The following ADAMTSL1 variants were observed in gnomAD, a reference collection of about 807,000 sequenced individuals.
ADAMTSL1 encodes ADAMTS-like protein 1.
ADAMTSL1 carries 126 observed loss-of-function variants against 201.8 expected under a neutral mutation model. That is an observed-to-expected ratio of 0.62 (90% CI 0.54 to 0.72). The LOEUF (loss-of-function observed/expected upper bound fraction) is 0.72. Among genes scored for constraint, ADAMTSL1 ranks in the 30% least tolerant of loss-of-function variants. The probability of loss-of-function intolerance (pLI) is 0.00; values close to 1 mark genes in which losing one functional copy is unlikely to be tolerated. For missense variants in ADAMTSL1, 2,679 were observed against 2,277.8 expected (o/e 1.18, Z -3.59); for synonymous variants, 1,121 against 903.4 (o/e 1.24, Z -4.32).
Position 18,706,800 on chromosome 9 carries a change from A to C in ADAMTSL1, c.1628A>C (p.Gln543Pro). The C allele has an allele frequency of 6.2e-7, 1 of 1,609,212 alleles. No homozygotes were observed. ...ACAGTCACCTGTGGTGTGGGGACCC[A>C]GGTGCGAATAGTCAGGTGCCAGGTG... ...ACTVTCGVGT[Q>P]VRIVRCQVLL... is the part of the protein sequence containing the mutation. The change falls in exon 14 of 29, where the codon CAG becomes CCG. Residue 543 changes from glutamine to proline, a missense_variant. Transcript: ENST00000380548.
At chr9:17,973,710 T>C (rs1818317992) in intron 1 of ADAMTSL1, among the ~76,000 whole-genome samples, 1 of 134,294 alleles carries the variant, frequency 7.4e-6, no homozygotes, top group Admixed American at 8.1e-5. Flanking sequence ...AGAAAGTCAC[T>C]GGTAGCTTGA....
chr9:18,204,838 A>G (rs567594033), intron 2 of ADAMTSL1, among the ~76,000 whole-genome samples: 1 of 152,106 alleles, frequency 6.6e-6, no homozygotes, highest in Non-Finnish European at 1.5e-5. Context: ...AGGTGCATCT[A>G]CTCAGACCTG....
chr9:18,865,372 A>T (rs2131435333), intron 23 of ADAMTSL1, among the ~76,000 whole-genome samples: 1 of 152,324 alleles, frequency 6.6e-6, no homozygotes, highest in Admixed American at 6.5e-5. Context: ...ACATGAACTC[A>T]TCATTTTTTA....
Position 18,529,303 on chromosome 9 carries a change from TAAC to T in ADAMTSL1, c.192-3938_192-3936del, listed in dbSNP as rs892434961. Among the ~76,000 whole-genome samples the T allele has an allele frequency of 3.3e-5, 5 of 152,208 alleles. No individual in the cohort carries two copies. The South Asian group carries it at 8.3e-4, about 25-fold the overall frequency. On this transcript the variant is annotated intron_variant, in intron 2 of 28. Transcript: ENST00000380548. ...AGAAGTAGTTTATAAACTGATATAA[TAAC>T]AACAAGACAGGTCAACCTCAGGCCT...
intron 25 of ADAMTSL1, 120 bp from the exon 26 acceptor site, chr9:18,892,269 C>G: frequency 1.1e-6 from 1 of 917,768 alleles, no homozygotes; most frequent in Non-Finnish European, 1.6e-6. Flanking sequence ...CAAGTAAATA[C>G]TGTAAAAAGG....
At chr9:18,657,516 G>A (rs535873224) in intron 7 of ADAMTSL1, 123 bp from the exon 8 acceptor site, 9 of 655,280 alleles carry the variant, frequency 1.4e-5, no homozygotes, top group Middle Eastern at 3.6e-4. Flanking sequence ...CACTTCTCCC[G>A]CAGTGCAGTC....
At chr9:17,971,629 A>G (rs1286227902) in intron 1 of ADAMTSL1, among the ~76,000 whole-genome samples, 2 of 152,014 alleles carry the variant, frequency 1.3e-5, no homozygotes, top group Admixed American at 1.3e-4. Context: ...AACAGCTGTT[A>G]TAAAATTGTG....
intron 1 of ADAMTSL1, among the ~76,000 whole-genome samples, chr9:18,084,798 C>A (rs1196551453): frequency 2.8e-5 from 4 of 142,182 alleles, no homozygotes; most frequent in Non-Finnish European, 6.0e-5. Flanking sequence ...AGACAAAAAT[C>A]CTTACAATCA....
chr9:18,678,499 A>C (rs1830255256), intron 10 of ADAMTSL1, among the ~76,000 whole-genome samples: 1 of 152,166 alleles, frequency 6.6e-6, no homozygotes, highest in African/African-American at 2.4e-5. Context: ...TTTTGAAATA[A>C]TATTGCCTCA....
chr9:18,655,681 A>T (rs1034312300), intron 7 of ADAMTSL1, among the ~76,000 whole-genome samples: 4 of 152,022 alleles, frequency 2.6e-5, no homozygotes, highest in African/African-American at 9.7e-5. Flanking sequence ...CATCTCTTTG[A>T]ATCTAAACAA....
At chr9:18,171,527 A>C (rs2132126288) in intron 2 of ADAMTSL1, among the ~76,000 whole-genome samples, 1 of 152,232 alleles carries the variant, frequency 6.6e-6, no homozygotes, top group East Asian at 1.9e-4. Context: ...CAATGTACAT[A>C]ACTGGCAAAA....
In ADAMTSL1 at chr9:18,892,421, G is replaced by A. The variant is rs762787360; in HGVS notation, c.4676G>A (p.Arg1559Gln). 20 of 1,613,322 alleles carry A rather than the reference G, an allele frequency of 1.2e-5. No homozygotes were observed. The highest frequency in any genetic ancestry group is 1.5e-5 in the Non-Finnish European group (18 of 1,179,764). The change falls in exon 26 of 29, where the codon CGG (arginine) becomes CAG (glutamine). Residue 1559 changes from arginine to glutamine, a missense_variant. Physicochemically the swap from Arg to Gln is conservative, Grantham distance 43. Coordinates refer to ENST00000380548, the MANE Select transcript of ADAMTSL1 (RefSeq NM_001040272.6). ...GTGACCTCCTGGTCTGCCTGTACCC[G>A]GAGCTGTGGGGGAGGTGTCCAGACC... ...WMVTSWSACTRSCGGGVQTRR... is the reference protein window; with the variant it reads ...WMVTSWSACTQSCGGGVQTRR...
chr9:18,849,362 C>T (rs1826338348), intron 23 of ADAMTSL1, among the ~76,000 whole-genome samples: 1 of 152,186 alleles, frequency 6.6e-6, no homozygotes, highest in African/African-American at 2.4e-5. Context: ...CTGGATCGGG[C>T]ACTTCCTGGA....
intron 2 of ADAMTSL1, among the ~76,000 whole-genome samples, chr9:18,351,144 C>T (rs1667108164): frequency 6.6e-6 from 1 of 151,082 alleles, no homozygotes; most frequent in African/African-American, 2.4e-5. Flanking sequence ...GAATGCCTTG[C>T]ATCTAGATTA....
intron 13 of ADAMTSL1, among the ~76,000 whole-genome samples, chr9:18,688,153 C>T (rs1041989126): frequency 4.0e-5 from 6 of 150,570 alleles, no homozygotes; most frequent in African/African-American, 1.5e-4. Context: ...AACGTAGTCT[C>T]ACTCTTGTCG....
chr9:18,645,440 G>A (rs1249906485), intron 7 of ADAMTSL1, among the ~76,000 whole-genome samples: 1 of 151,734 alleles, frequency 6.6e-6, no homozygotes, highest in Non-Finnish European at 1.5e-5. Context: ...TGCTTTTGGT[G>A]TTTTAGACAT....
intron 1 of ADAMTSL1, among the ~76,000 whole-genome samples, chr9:18,014,414 A>T (rs1042084269): frequency 1.3e-5 from 2 of 152,100 alleles, no homozygotes; most frequent in Non-Finnish European, 2.9e-5. Context: ...TTTGTTCACT[A>T]ACAGAATTTC....
intron 4 of ADAMTSL1, among the ~76,000 whole-genome samples, chr9:18,593,754 A>G (rs1256659944): frequency 6.6e-6 from 1 of 151,104 alleles, no homozygotes; most frequent in African/African-American, 2.4e-5. Flanking sequence ...GTTTTATTCC[A>G]TTGTGTTCAG....
At chr9:18,210,460 TATTA>T (rs1563809986) in intron 2 of ADAMTSL1, among the ~76,000 whole-genome samples, 1 of 147,030 alleles carries the variant, frequency 6.8e-6, no homozygotes, top group South Asian at 2.1e-4. Context: ...AATAAATATA[TATTA>T]ATTATATATG....
Sources: allele counts gnomAD v4.1 joint callset (sites outside exome capture counted in the v4.1 genomes callset), GRCh38; gene constraint gnomAD v4.1.1; transcripts MANE v1.5; gene names NCBI Gene and HGNC (gene_info 2026-07-23, HGNC 2026-07-21).